FAM81B: variants seen among roughly 807,000 people sequenced by gnomAD.
FAM81B encodes family with sequence similarity 81 member B, also known as protein FAM81B.
A neutral mutation model predicts 58.7 loss-of-function variants in FAM81B; 60 were observed. That is an observed-to-expected ratio of 1.02 (90% CI 0.83 to 1.27). The LOEUF (loss-of-function observed/expected upper bound fraction) is 1.27. FAM81B is among the 50% of genes most tolerant of loss of function. FAM81B has a pLI of 0.00. For missense variants in FAM81B, 491 were observed against 522.0 expected, an observed-to-expected ratio of 0.94 and a Z score of 0.58; for synonymous variants, 189 against 179.6, an observed-to-expected ratio of 1.05 and a Z score of -0.42.
chr5:95,392,295 T>G (rs932938656), intron 1 of FAM81B, among the ~76,000 whole-genome samples: 8 of 151,462 alleles, frequency 5.3e-5, no homozygotes, highest in African/African-American at 1.9e-4. Context: ...CAAGTGGGAG[T>G]TGAACAATGA....
rs1291300237 is a variant in FAM81B at position 95,441,821 on chromosome 5, C to T, written c.894-4741C>T. Among the ~76,000 whole-genome samples, 4 of 152,280 alleles carry T rather than the reference C, an allele frequency of 2.6e-5. No homozygotes were observed. The South Asian group carries it at 8.3e-4, about 32-fold the overall frequency. On this transcript the variant is annotated intron_variant, in intron 7 of 9. Transcript: ENST00000283357. ...GCCTCCTCCTCAGAAGGATCATCCT[C>T]TGAGCTTCTGCTAAGTAATGTCCTA...
intron 3 of FAM81B, among the ~76,000 whole-genome samples, chr5:95,403,192 A>C (rs1657843801): frequency 6.6e-6 from 1 of 152,148 alleles, no homozygotes; most frequent in Non-Finnish European, 1.5e-5. Context: ...CCTACCCTAA[A>C]ATTTTGATTC....
At chr5:95,439,606 TA>T (rs1745249817) in intron 7 of FAM81B, among the ~76,000 whole-genome samples, 3 of 107,064 alleles carry the variant, frequency 2.8e-5, no homozygotes, top group Middle Eastern at 4.0e-3. Flanking sequence ...AAGACAGGGT[TA>T]TTTTTTTTTT....
intron 4 of FAM81B, among the ~76,000 whole-genome samples, chr5:95,418,923 T>A (rs910774314): frequency 2.6e-5 from 4 of 152,126 alleles, no homozygotes; most frequent in African/African-American, 7.2e-5. Flanking sequence ...GTGAAATTAC[T>A]CCCCCATTGA....
intron 8 of FAM81B, among the ~76,000 whole-genome samples, chr5:95,447,348 A>G (rs1377239147): frequency 3.3e-5 from 5 of 152,230 alleles, no homozygotes; most frequent in African/African-American, 7.2e-5. Context: ...GAGGCAGCTC[A>G]GGAAATAATG....
At chr5:95,422,456 A>G (rs113974483) in intron 5 of FAM81B, among the ~76,000 whole-genome samples, 8,240 of 152,242 alleles carry the variant, frequency 0.054, 266 homozygotes, top group Middle Eastern at 0.13. Flanking sequence ...AAGATTCTGC[A>G]AAGAAGATAA....
At chr5:95,443,628 C>T (rs1250115343) in intron 7 of FAM81B, among the ~76,000 whole-genome samples, 1 of 148,320 alleles carries the variant, frequency 6.7e-6, no homozygotes, top group Non-Finnish European at 1.5e-5. Flanking sequence ...CCGGGAAAAG[C>T]TTATGCAAAG....
At chr5:95,395,088 C>T (rs1761927808) in intron 2 of FAM81B, among the ~76,000 whole-genome samples, 1 of 152,074 alleles carries the variant, frequency 6.6e-6, no homozygotes, top group South Asian at 2.1e-4. Context: ...CACCAATAGG[C>T]TATTAAAATT....
intron 4 of FAM81B, among the ~76,000 whole-genome samples, chr5:95,418,900 C>T (rs767810788): frequency 1.1e-4 from 16 of 151,716 alleles, no homozygotes; most frequent in Non-Finnish European, 1.8e-4. Flanking sequence ...TAATTAGAGC[C>T]CCCAGCCCAC....
chr5:95,436,290 A>G (rs1206715954), intron 6 of FAM81B, among the ~76,000 whole-genome samples: 1 of 152,222 alleles, frequency 6.6e-6, no homozygotes, highest in Non-Finnish European at 1.5e-5. Flanking sequence ...TCAGAATACT[A>G]TCTGGAAATC....
intron 7 of FAM81B, among the ~76,000 whole-genome samples, chr5:95,444,903 G>A (rs1243454878): frequency 6.6e-6 from 1 of 152,030 alleles, no homozygotes; most frequent in Non-Finnish European, 1.5e-5. Context: ...CCTGTGCATT[G>A]TAAGATGTTT....
intron 7 of FAM81B, among the ~76,000 whole-genome samples, chr5:95,444,728 A>T (rs1561315850): frequency 6.6e-6 from 1 of 152,154 alleles, no homozygotes; most frequent in Non-Finnish European, 1.5e-5. Flanking sequence ...ATAATGAGAG[A>T]ATTCAGAGGA....
rs576614166 is a variant in FAM81B, at chr5:95,418,930, T to C, written c.538-1354T>C. Among the ~76,000 whole-genome samples, 12 of 152,268 alleles carry C rather than the reference T, an allele frequency of 7.9e-5. No homozygotes were observed. The South Asian group carries it at 2.5e-3, about 32-fold the overall frequency. On this transcript the variant is annotated intron_variant, in intron 4 of 9. Coordinates refer to ENST00000283357, the MANE Select transcript of FAM81B (RefSeq NM_152548.3). ...GCCCACTTGTGAAATTACTCCCCCATTGATTTATGAATTGCATATAGAGTA... is the reference window on the plus strand; with the variant it reads ...GCCCACTTGTGAAATTACTCCCCCACTGATTTATGAATTGCATATAGAGTA...
intron 4 of FAM81B, among the ~76,000 whole-genome samples, chr5:95,414,746 A>G (rs1337204918): frequency 6.6e-6 from 1 of 152,216 alleles, no homozygotes; most frequent in Non-Finnish European, 1.5e-5. Flanking sequence ...AACGTGCTTC[A>G]TTCCTCCAGG....
chr5:95,391,540 A>T (rs1226416102), intron 1 of FAM81B, 27 bp downstream of exon 1: 2 of 1,581,286 alleles, frequency 1.3e-6, no homozygotes, highest in African/African-American at 2.7e-5. Flanking sequence ...CGAGGTCTCT[A>T]AATTTCTCCT....
At chr5:95,402,069 T>C (rs1762128844) in intron 3 of FAM81B, among the ~76,000 whole-genome samples, 1 of 152,228 alleles carries the variant, frequency 6.6e-6, no homozygotes, top group Non-Finnish European at 1.5e-5. Context: ...TAAATTTAGA[T>C]CTAGGTCCCA....
intron 3 of FAM81B, chr5:95,406,126 C>T (rs1762239183): frequency 6.5e-6 from 1 of 154,376 alleles, no homozygotes; most frequent in African/African-American, 2.4e-5. Flanking sequence ...CACAGCCCTC[C>T]CAAGCTATCT....
chr5:95,420,629 C>T (rs555119777), intron 5 of FAM81B, among the ~76,000 whole-genome samples: 20 of 152,308 alleles, frequency 1.3e-4, no homozygotes, highest in South Asian at 6.2e-4. Context: ...CCAATGGAAG[C>T]GACCAAAGTT....
chr5:95,417,704 G>T (rs1336190417), intron 4 of FAM81B, among the ~76,000 whole-genome samples: 1 of 152,082 alleles, frequency 6.6e-6, no homozygotes, highest in African/African-American at 2.4e-5. Flanking sequence ...AGCCTGGTTT[G>T]TAGTATTTTC....
Sources: gnomAD v4.1 joint callset for allele counts (sites outside exome capture counted in the v4.1 genomes callset) on GRCh38, gnomAD v4.1.1 for gene constraint, MANE v1.5 for transcripts, NCBI Gene and HGNC (gene_info 2026-07-23, HGNC 2026-07-21) for gene names.